Variants in OAS1 observed in about 807,000 individuals in gnomAD.
OAS1 encodes 2'-5'-oligoadenylate synthase 1.
A neutral mutation model predicts 38.5 loss-of-function variants in OAS1; 24 were observed. That is an observed-to-expected ratio of 0.62 (90% CI 0.45 to 0.88). The LOEUF (loss-of-function observed/expected upper bound fraction) is 0.88, where lower values mean the gene tolerates loss of function less well. Among genes scored for constraint, OAS1 ranks in the 40% least tolerant of loss-of-function variants. The probability of loss-of-function intolerance (pLI) is 0.00; values close to 1 mark genes in which losing one functional copy is unlikely to be tolerated. For missense variants in OAS1, 482 were observed against 493.9 expected (o/e 0.98, Z 0.23); for synonymous variants, 169 against 193.9 (o/e 0.87, Z 1.07).
At chr12:112,921,163 T>C (rs1565966319), downstream of OAS1, among the ~76,000 whole-genome samples, 1 of 152,220 alleles carries the variant, frequency 6.6e-6, no homozygotes. Flanking sequence ...GATTAGATGA[T>C]GCCAGTCTAC....
intron 3 of OAS1, among the ~76,000 whole-genome samples, chr12:112,913,483 G>A (rs981677291): frequency 6.6e-6 from 1 of 152,098 alleles, no homozygotes; most frequent in Non-Finnish European, 1.5e-5. Flanking sequence ...CCAATTAAAT[G>A]TATGTTAGAC....
Position 112,911,465 on chromosome 12 carries a change from A to G in OAS1, c.654+230A>G, listed in dbSNP as rs532148140. On this transcript the variant is annotated intron_variant, in intron 3 of 5. Coordinates refer to ENST00000202917, the MANE Select transcript of OAS1 (RefSeq NM_016816.4). ...AGGAAGGGATTTTGGTGTTCTGTTC[A>G]CTGCTGTATCCCCAGAACTTAAAAC... Among the ~76,000 whole-genome samples, 6 of 152,290 alleles carry G rather than the reference A, an allele frequency of 3.9e-5. No individual in the cohort carries two copies. The East Asian group carries it at 5.8e-4, about 15-fold the overall frequency.
chr12:112,916,253 A>G (rs1320908553), intron 3 of OAS1, among the ~76,000 whole-genome samples: 1 of 152,212 alleles, frequency 6.6e-6, no homozygotes, highest in Non-Finnish European at 1.5e-5. Context: ...AGGGGCCAGT[A>G]CACTTTTTTA....
downstream of OAS1, among the ~76,000 whole-genome samples, chr12:112,923,900 AC>A (rs949727368): frequency 1.5e-4 from 10 of 64,682 alleles, no homozygotes; most frequent in African/African-American, 7.9e-4. Flanking sequence ...TACAGCATAC[AC>A]AAAAATCAAC....
chr12:112,916,865 G>T (rs916989291), intron 4 of OAS1, 127 bp downstream of exon 4: 6 of 721,882 alleles, frequency 8.3e-6, no homozygotes, highest in Non-Finnish European at 1.4e-5. Context: ...GCCCATCATT[G>T]TACTGGGCAT....
chr12:112,920,722 C>A (rs2043523592), downstream of OAS1, among the ~76,000 whole-genome samples: 1 of 152,150 alleles, frequency 6.6e-6, no homozygotes, highest in Non-Finnish European at 1.5e-5. Flanking sequence ...CACAAAAGAA[C>A]CTAGCATGCT....
In OAS1 at chr12:112,908,546, C is replaced by CA; in HGVS notation, c.192dup (p.Gly65ArgfsTer11). On this transcript the variant is annotated frameshift_variant, in exon 2 of 6. Transcript: ENST00000202917. LOFTEE classifies it high-confidence loss of function. Reference sequence around the variant, plus strand: ...TGTCGTCTTTTTCAGGGTGGCTCCTCAGGCAAGGGCACCACCCTCAGAGGC... The same window carrying CA: ...TGTCGTCTTTTTCAGGGTGGCTCCTCAAGGCAAGGGCACCACCCTCAGAGGC... 6.2e-7 allele frequency: 1 copy of CA among 1,607,202 alleles called. No individual in the cohort carries two copies. The highest frequency in any genetic ancestry group is 8.5e-7 in the Non-Finnish European group (1 of 1,176,402).
chr12:112,929,289 TG>T (rs904274847), intron 6 of OAS1, among the ~76,000 whole-genome samples: 1 of 152,186 alleles, frequency 6.6e-6, no homozygotes, highest in Non-Finnish European at 1.5e-5. Flanking sequence ...AAGGGGTCCT[TG>T]GGAAGCCAGC....
At chr12:112,916,794 G>A (rs2043466578) in intron 4 of OAS1, 56 bp downstream of exon 4, 1 of 1,316,372 alleles carries the variant, frequency 7.6e-7, no homozygotes. Flanking sequence ...CTGGATACAG[G>A]TACAGTGCCT....
intron 3 of OAS1, among the ~76,000 whole-genome samples, chr12:112,916,245 G>C (rs2043452411): frequency 6.6e-6 from 1 of 152,106 alleles, no homozygotes; most frequent in African/African-American, 2.4e-5. Flanking sequence ...TCTTAACAAG[G>C]GGCCAGTACA....
rs775668244 is a variant in OAS1 at position 112,919,573 on chromosome 12, G to A, written c.*20G>A. The A allele has an allele frequency of 6.2e-6, 10 of 1,614,222 alleles. No homozygotes were observed. The highest frequency in any genetic ancestry group is 2.2e-5 in the South Asian group (2 of 91,086). ...CTCTGAATGCCAGTGCATCTTGGGG[G>A]AAAGGGCTCCAGTGTTATCTGGACC... On this transcript the variant is annotated 3_prime_UTR_variant, in exon 6 of 6. Transcript: ENST00000202917.
rs377516252 is a variant in OAS1 at position 112,919,365 on chromosome 12, T to C, written c.1039-24T>C. 5.0e-6 allele frequency: 8 copies of C among 1,596,138 alleles called. No individual in the cohort carries two copies. The African/African-American group carries it at 9.4e-5, about 19-fold the overall frequency. On this transcript the variant is annotated intron_variant, in intron 5 of 5. Transcript: ENST00000202917. ...TGCAATGCAGGAAGACTCCCTGATG[T>C]GATCATGTGTCTCACCCTTTCAGGC...
chr12:112,929,869 C>T (rs2043586908), intron 6 of OAS1, among the ~76,000 whole-genome samples: 1 of 152,134 alleles, frequency 6.6e-6, no homozygotes, highest in African/African-American at 2.4e-5. Flanking sequence ...CCTTGCCTTG[C>T]CTGTCCTTTG....
intron 3 of OAS1, among the ~76,000 whole-genome samples, chr12:112,914,731 T>G (rs1250263802): frequency 2.9e-5 from 1 of 34,722 alleles, no homozygotes; most frequent in Admixed American, 2.6e-4. Flanking sequence ...TTGGTATTTG[T>G]TTTTTTTTTT....
chr12:112,923,296 C>A (rs775867317), downstream of OAS1, among the ~76,000 whole-genome samples: 9 of 152,158 alleles, frequency 5.9e-5, no homozygotes, highest in Non-Finnish European at 1.3e-4. Flanking sequence ...TTTTGAGGAA[C>A]CTCCATACTG....
At chr12:112,908,933 A>T in intron 2 of OAS1, 109 bp downstream of exon 2, 1 of 1,170,586 alleles carries the variant, frequency 8.5e-7, no homozygotes, top group Non-Finnish European at 1.2e-6. Context: ...GCAGGGTGGG[A>T]GGAGATCTTA....
intron 1 of OAS1, chr12:112,907,579 A>G: frequency 4.7e-6 from 1 of 213,666 alleles, no homozygotes; most frequent in Non-Finnish European, 9.5e-6. Flanking sequence ...CCATTTCTGC[A>G]GTGAAGAATC....
intron 3 of OAS1, among the ~76,000 whole-genome samples, chr12:112,913,835 G>A (rs953571789): frequency 6.6e-6 from 1 of 151,968 alleles, no homozygotes; most frequent in South Asian, 2.1e-4. Context: ...TCTTTTCTGT[G>A]ACATGAGCAC....
chr12:112,929,668 A>G (rs1350500442), intron 6 of OAS1, among the ~76,000 whole-genome samples: 2 of 152,178 alleles, frequency 1.3e-5, no homozygotes, highest in African/African-American at 4.8e-5. Flanking sequence ...AGAGATAGGG[A>G]AGCTGAGGCA....
Sources: allele counts gnomAD v4.1 joint callset (sites outside exome capture counted in the v4.1 genomes callset), GRCh38; gene constraint gnomAD v4.1.1; transcripts MANE v1.5; gene names NCBI Gene and HGNC (gene_info 2026-07-23, HGNC 2026-07-21).